Variants in NOL4L observed in about 807,000 individuals in gnomAD.
NOL4L encodes the protein nucleolar protein 4 like.
A neutral mutation model predicts 64.5 loss-of-function variants in NOL4L; 7 were observed. The observed-to-expected ratio is 0.11, with a 90% CI of 0.06 to 0.20. The LOEUF (loss-of-function observed/expected upper bound fraction) is 0.20, where lower values mean the gene tolerates loss of function less well. Among genes scored for constraint, NOL4L ranks in the 10% least tolerant of loss-of-function variants. The pLI is 1.00. For missense variants in NOL4L, 680 were observed against 967.1 expected (o/e 0.70, Z 3.94); for synonymous variants, 413 against 401.0 (o/e 1.03, Z -0.36).
intron 4 of NOL4L, among the ~76,000 whole-genome samples, chr20:32,484,404 C>A (rs2015953959): frequency 6.6e-6 from 1 of 152,080 alleles, no homozygotes. Flanking sequence ...CCTCCGCGCC[C>A]CTCCCCCTTC....
chr20:32,528,024 C>A, intron 1 of NOL4L, 111 bp from the exon 2 acceptor site: 29 of 313,072 alleles, frequency 9.3e-5, no homozygotes, highest in East Asian at 4.0e-4. Context: ...GACAGTGGGT[C>A]TTGGGGTGGG....
chr20:32,557,107 G>A (rs1244895136), intron 1 of NOL4L, among the ~76,000 whole-genome samples: 5 of 152,282 alleles, frequency 3.3e-5, no homozygotes, highest in Admixed American at 6.5e-5. Context: ...TTGAAACAAC[G>A]TTTGTGAAAC....
Position 32,453,850 on chromosome 20 carries a change from G to C in NOL4L, c.1120-89C>G. 1 of 1,287,406 alleles carries C rather than the reference G, an allele frequency of 7.8e-7. No homozygotes were observed. The allele number at this position is 1,287,406 out of a possible 1,614,324, so 79.7% of individuals were successfully genotyped here. On this transcript the variant is annotated intron_variant, in intron 6 of 10. Coordinates refer to ENST00000621426, the MANE Select transcript of NOL4L (RefSeq NM_001256798.2). The surrounding 1 kb of genome is among the most constrained non-coding windows in gnomAD (Gnocchi z 5.6). ...CTACAGGCGGTGAGCTTGGGGACCA[G>C]GGTGGCACGCATGCCCTGCTGCCAC...
intron 4 of NOL4L, among the ~76,000 whole-genome samples, chr20:32,497,271 A>AGCT (rs2016731380): frequency 8.7e-6 from 1 of 114,362 alleles, no homozygotes; most frequent in African/African-American, 3.4e-5. Flanking sequence ...GGTCTCCTGG[A>AGCT]GCTGCTCTTT....
At chr20:32,457,356 C>T (rs185902848) in intron 5 of NOL4L, among the ~76,000 whole-genome samples, 1,641 of 152,258 alleles carry the variant, frequency 0.011, 36 homozygotes, top group African/African-American at 0.038. Context: ...CGGGGAGGTA[C>T]GGGTGACCCT....
chr20:32,583,959 C>T (rs1268965242), intron 1 of NOL4L, among the ~76,000 whole-genome samples: 1 of 147,634 alleles, frequency 6.8e-6, no homozygotes, highest in African/African-American at 2.5e-5. Flanking sequence ...GCTGCTCCTG[C>T]GCCAGGCTGC....
chr20:32,546,275 AGTTTTGCTC>A (rs1442288713), intron 1 of NOL4L, among the ~76,000 whole-genome samples: 1 of 147,778 alleles, frequency 6.8e-6, no homozygotes, highest in Non-Finnish European at 1.5e-5. Context: ...GAGGGGATGG[AGTTTTGCTC>A]GTTACTCAGG....
intron 2 of NOL4L, among the ~76,000 whole-genome samples, chr20:32,522,803 G>A (rs1039385863): frequency 5.9e-5 from 9 of 152,222 alleles, no homozygotes; most frequent in African/African-American, 1.7e-4. Flanking sequence ...CCCCTGAGAC[G>A]TGGCACCCTA....
chr20:32,519,304 G>C (rs925731446), intron 3 of NOL4L: 1 of 152,212 alleles, frequency 6.6e-6, no homozygotes, highest in African/African-American at 2.4e-5. Flanking sequence ...CGTGTGTCAG[G>C]GACAATGAAC....
At chr20:32,504,644 C>T (rs1171049969) in intron 4 of NOL4L, among the ~76,000 whole-genome samples, 2 of 149,900 alleles carry the variant, frequency 1.3e-5, no homozygotes, top group South Asian at 4.2e-4. Flanking sequence ...CTTGCTCTGT[C>T]GCCAGGCTGG....
chr20:32,569,247 C>A (rs779612179), intron 1 of NOL4L, among the ~76,000 whole-genome samples: 1 of 152,076 alleles, frequency 6.6e-6, no homozygotes, highest in Non-Finnish European at 1.5e-5. Flanking sequence ...AGCCAGGAGG[C>A]CAGTGTGGCT....
Position 32,488,797 on chromosome 20 carries a change from T to TCCTC in NOL4L, c.700-14056_700-14055insGAGG, listed in dbSNP as rs1568648032. Reference sequence around the variant, plus strand: ...TTCCTTCCTTCCTTCCTTCCTTTCTTTCTTTCTTTTTCTTTCTTTCTTTCT... The same window carrying TCCTC: ...TTCCTTCCTTCCTTCCTTCCTTTCTTCCTCTCTTTCTTTTTCTTTCTTTCTTTCT... On this transcript the variant is annotated intron_variant, in intron 4 of 10. Transcript: ENST00000621426. Among the ~76,000 whole-genome samples, 9 of 23,992 alleles carry TCCTC rather than the reference T, an allele frequency of 3.8e-4. 2 individuals carry two copies. The highest frequency in any genetic ancestry group is 2.0e-3 in the Admixed American group (4 of 2,048). 15.7% of individuals were successfully genotyped at this position (23,992 alleles called of 152,430 possible).
intron 4 of NOL4L, among the ~76,000 whole-genome samples, chr20:32,478,478 A>T (rs1185798686): frequency 6.6e-6 from 1 of 152,184 alleles, no homozygotes; most frequent in Non-Finnish European, 1.5e-5. Context: ...CTGTGGACAC[A>T]CTGCCTAGTC....
At chr20:32,548,519 G>A (rs564886387) in intron 1 of NOL4L, 1 of 158,288 alleles carries the variant, frequency 6.3e-6, no homozygotes, top group East Asian at 1.9e-4. Context: ...TCTGTAAAGT[G>A]GGGATTTTAA....
rs563249305 is a variant in NOL4L at position 32,499,652 on chromosome 20, T to C, written c.699+11695A>G. 6.2e-4 allele frequency among the ~76,000 whole-genome samples: 93 copies of C among 149,776 alleles called. 1 individual carries two copies. The highest frequency in any genetic ancestry group is 3.4e-3 in the Middle Eastern group (1 of 290). On this transcript the variant is annotated intron_variant, in intron 4 of 10. Coordinates refer to ENST00000621426, the MANE Select transcript of NOL4L (RefSeq NM_001256798.2). ...TACTCAGTCAGCTGAGGCAGGAGAA[T>C]TGCTTGAACCTGGGCAGCGGAGGTT...
At chr20:32,538,251 G>A (rs545316536) in intron 1 of NOL4L, among the ~76,000 whole-genome samples, 277 of 152,328 alleles carry the variant, frequency 1.8e-3, no homozygotes, top group African/African-American at 6.5e-3. Context: ...GGGGGGCAGG[G>A]AGGGTTCAGT....
chr20:32,461,913 G>A (rs2014106766), intron 5 of NOL4L, among the ~76,000 whole-genome samples: 1 of 152,014 alleles, frequency 6.6e-6, no homozygotes, highest in South Asian at 2.1e-4. Flanking sequence ...GGGCCTGGAT[G>A]GCTCCTGCTG....
At chr20:32,538,016 T>G (rs2018580592) in intron 1 of NOL4L, among the ~76,000 whole-genome samples, 1 of 152,154 alleles carries the variant, frequency 6.6e-6, no homozygotes, top group Non-Finnish European at 1.5e-5. Context: ...TGGCCTCAAG[T>G]GATCCCACTG....
rs1284521782 is a variant in NOL4L, at chr20:32,447,385, A to G, written c.*211T>C. Reference sequence around the variant, plus strand: ...TGGCCTCTTCCAAGCAGGTCAGAGCACCCGTGTGGTGAGATTCCAAAAAAA... The same window carrying G: ...TGGCCTCTTCCAAGCAGGTCAGAGCGCCCGTGTGGTGAGATTCCAAAAAAA... On this transcript the variant is annotated 3_prime_UTR_variant, in exon 11 of 11. Coordinates refer to ENST00000621426, the MANE Select transcript of NOL4L (RefSeq NM_001256798.2). 6 of 586,620 alleles carry G rather than the reference A, an allele frequency of 1.0e-5. No homozygotes were observed. In the Admixed American group the frequency reaches 2.4e-4, roughly 23 times the overall value. The allele number at this position is 586,620 out of a possible 1,614,324, so 36.3% of individuals were successfully genotyped here.
Sources: gnomAD v4.1 joint callset for allele counts (sites outside exome capture counted in the v4.1 genomes callset) on GRCh38, gnomAD v4.1.1 for gene constraint, Gnocchi (gnomAD v3.1) non-coding constraint, MANE v1.5 for transcripts, NCBI Gene and HGNC (gene_info 2026-07-23, HGNC 2026-07-21) for gene names.